The following ST3GAL3 variants were observed in gnomAD, a reference collection of about 807,000 sequenced individuals.
The protein encoded by ST3GAL3 is ST3 beta-galactoside alpha-2,3-sialyltransferase 3, also known as CMP-N-acetylneuraminate-beta-1,4-galactoside alpha-2,3-sialyltransferase.
A neutral mutation model predicts 50.1 loss-of-function variants in ST3GAL3; 21 were observed. That is an observed-to-expected ratio of 0.42 (90% CI 0.30 to 0.60). The LOEUF is 0.60. Among genes scored for constraint, ST3GAL3 ranks in the 20% least tolerant of loss-of-function variants. The probability of loss-of-function intolerance (pLI) is 0.19; values close to 1 mark genes in which losing one functional copy is unlikely to be tolerated. For synonymous variants in ST3GAL3, 183 were observed against 190.0 expected (o/e 0.96, Z 0.30); for missense variants, 353 against 489.4 (o/e 0.72, Z 2.63).
rs1337933355 is a variant in ST3GAL3 at position 43,893,060 on chromosome 1, T to TG, written c.303-1318dup. Among the ~76,000 whole-genome samples, 14 of 152,240 alleles carry TG rather than the reference T, an allele frequency of 9.2e-5. No homozygotes were observed. In the East Asian group the frequency reaches 2.7e-3, roughly 29 times the overall value. On this transcript the variant is annotated intron_variant, in intron 5 of 11. Coordinates refer to ENST00000347631, the MANE Select transcript of ST3GAL3 (RefSeq NM_006279.5). ...GTTGACATCTTCCTAGCAAGAGTGA[T>TG]GGGGGAGGGAGCAGGATTCCAAGTT... is the stretch of plus-strand genomic sequence containing the variant.
chr1:43,855,922 C>T (rs2068273648), intron 5 of ST3GAL3, among the ~76,000 whole-genome samples: 1 of 152,118 alleles, frequency 6.6e-6, no homozygotes, highest in Non-Finnish European at 1.5e-5. Context: ...TTACTAATGA[C>T]AGTCACATGG....
At chr1:43,850,384 G>T (rs1341155171) in intron 5 of ST3GAL3, 16 of 559,650 alleles carry the variant, frequency 2.9e-5, no homozygotes, top group Non-Finnish European at 4.2e-5. Context: ...TGGTATTTAT[G>T]CCCTGCTAGT....
chr1:43,917,605 A>ATATGT (rs375906989), intron 9 of ST3GAL3, among the ~76,000 whole-genome samples: 2 of 70,766 alleles, frequency 2.8e-5, no homozygotes, highest in Admixed American at 5.1e-4. Context: ...TATATATATT[A>ATATGT]TATATTATAT....
intron 4 of ST3GAL3, among the ~76,000 whole-genome samples, chr1:43,817,597 C>CCT (rs1448524690): frequency 0.54 from 41,596 of 76,468 alleles, 10,076 homozygotes; most frequent in East Asian, 0.69. Context: ...TTCTCCTCCT[C>CCT]CCTTCTCCTT....
At chr1:43,718,849 G>C (rs1471077123) in intron 1 of ST3GAL3, 1 of 151,810 alleles carries the variant, frequency 6.6e-6, no homozygotes, top group Admixed American at 6.6e-5. Flanking sequence ...CACCACGCTT[G>C]GTTAATTTTT....
intron 2 of ST3GAL3, among the ~76,000 whole-genome samples, chr1:43,762,237 G>A (rs1190193787): frequency 6.8e-6 from 1 of 146,236 alleles, no homozygotes; most frequent in Non-Finnish European, 1.5e-5. Flanking sequence ...TCCAGCCTTA[G>A]CAACAGAGCA....
At chr1:43,869,461 G>A (rs2072113561) in intron 5 of ST3GAL3, among the ~76,000 whole-genome samples, 1 of 152,004 alleles carries the variant, frequency 6.6e-6, no homozygotes, top group South Asian at 2.1e-4. Context: ...TTCCCCTTTT[G>A]CCTTTAGGGG....
intron 5 of ST3GAL3, among the ~76,000 whole-genome samples, chr1:43,854,837 A>C (rs987452117): frequency 6.6e-6 from 1 of 152,158 alleles, no homozygotes; most frequent in Admixed American, 6.5e-5. Context: ...TTCCCCTCTT[A>C]ACCAGATATC....
chr1:43,806,123 C>CTGAA (rs1328396246), intron 3 of ST3GAL3, among the ~76,000 whole-genome samples: 1 of 152,108 alleles, frequency 6.6e-6, no homozygotes, highest in Non-Finnish European at 1.5e-5. Context: ...ATTCAGGGAA[C>CTGAA]TGAAAGAGGC....
At chr1:43,769,887 T>G (rs1694429725) in intron 2 of ST3GAL3, among the ~76,000 whole-genome samples, 1 of 152,172 alleles carries the variant, frequency 6.6e-6, no homozygotes, top group Non-Finnish European at 1.5e-5. Context: ...ATATAACAGG[T>G]CTTTGAAGTA....
intron 2 of ST3GAL3, chr1:43,772,028 G>T: frequency 2.9e-6 from 1 of 350,276 alleles, no homozygotes; most frequent in Non-Finnish European, 4.8e-6. Context: ...TGCAGAGGTG[G>T]TCTTTTTTTT....
intron 2 of ST3GAL3, among the ~76,000 whole-genome samples, chr1:43,766,810 G>A (rs1401501426): frequency 1.3e-5 from 2 of 152,184 alleles, no homozygotes; most frequent in Admixed American, 6.5e-5. Context: ...TTTCTGTTGA[G>A]CACCTAGAAT....
At chr1:43,908,951 C>T (rs1055151822) in intron 9 of ST3GAL3, among the ~76,000 whole-genome samples, 4 of 152,124 alleles carry the variant, frequency 2.6e-5, no homozygotes. Flanking sequence ...CTTTAGCACC[C>T]GCCATGTACT....
At chr1:43,762,632 G>A (rs1276172907) in intron 2 of ST3GAL3, among the ~76,000 whole-genome samples, 6 of 152,128 alleles carry the variant, frequency 3.9e-5, no homozygotes, top group Non-Finnish European at 8.8e-5. Context: ...ACAAGAGGAC[G>A]GGGAAGTTGT....
intron 2 of ST3GAL3, chr1:43,739,236 T>G (rs1265450012): frequency 1.3e-5 from 2 of 152,246 alleles, no homozygotes; most frequent in South Asian, 2.1e-4. Flanking sequence ...TTGGTTTTTG[T>G]TTTTGGCACA....
At chr1:43,856,712 C>G (rs1185940325) in intron 5 of ST3GAL3, among the ~76,000 whole-genome samples, 3 of 152,174 alleles carry the variant, frequency 2.0e-5, no homozygotes, top group African/African-American at 7.2e-5. Flanking sequence ...CTCTGCCCAC[C>G]AATTTTTTTT....
At chr1:43,830,038 T>TG (rs1301377043) in intron 4 of ST3GAL3, among the ~76,000 whole-genome samples, 4 of 137,094 alleles carry the variant, frequency 2.9e-5, no homozygotes, top group Admixed American at 1.5e-4. Context: ...GACAGGGTCT[T>TG]GCTTTGTCGC....
At chr1:43,870,380 G>A (rs954466771) in intron 5 of ST3GAL3, among the ~76,000 whole-genome samples, 2 of 152,234 alleles carry the variant, frequency 1.3e-5, no homozygotes, top group African/African-American at 4.8e-5. Context: ...TGCTTAGGCC[G>A]CCAGGCCGTC....
chr1:43,929,685 G>GC (rs999658997), intron 11 of ST3GAL3, among the ~76,000 whole-genome samples: 1 of 152,144 alleles, frequency 6.6e-6, no homozygotes, highest in African/African-American at 2.4e-5. Context: ...TTCATCCGCC[G>GC]CCCCCAGGCC....
Sources: gnomAD v4.1 joint callset for allele counts (sites outside exome capture counted in the v4.1 genomes callset) on GRCh38, gnomAD v4.1.1 for gene constraint, MANE v1.5 for transcripts, NCBI Gene and HGNC (gene_info 2026-07-23, HGNC 2026-07-21) for gene names.